The following KHDRBS2 variants were observed in gnomAD, a reference collection of about 807,000 sequenced individuals.
The protein encoded by KHDRBS2 is KH domain-containing, RNA-binding, signal transduction-associated protein 2.
KHDRBS2 carries 26 observed loss-of-function variants against 44.3 expected under a neutral mutation model. That is an observed-to-expected ratio of 0.59 (90% CI 0.43 to 0.81). The LOEUF (loss-of-function observed/expected upper bound fraction) is 0.81, where lower values mean the gene tolerates loss of function less well. KHDRBS2 is among the 40% of genes least tolerant of loss of function. KHDRBS2 has a pLI of 0.00. For synonymous variants in KHDRBS2, 194 were observed against 151.1 expected (o/e 1.28, Z -2.08); for missense variants, 476 against 433.1 (o/e 1.10, Z -0.88).
chr6:61,608,214 C>G, the KHDRBS2 span, among the ~76,000 whole-genome samples: 1 of 151,826 alleles, frequency 6.6e-6, no homozygotes, highest in Non-Finnish European at 1.5e-5. Flanking sequence ...CTATATCAGT[C>G]TAACATTTCT....
At position 62,002,873 on chromosome 6, in the gene KHDRBS2, A is replaced by G. The variant is rs115884554; in HGVS notation, c.337-24661T>C. 8.9e-3 allele frequency among the ~76,000 whole-genome samples: 1,349 copies of G among 152,102 alleles called. 19 individuals are homozygous for G. The highest frequency in any genetic ancestry group is 0.03 in the African/African-American group (1,260 of 41,552). Reference sequence around the variant, plus strand: ...ATGTTAAGTTAAAATATGAGATTCTATAACAGAATTTTAAAATAATAACAT... The same window carrying G: ...ATGTTAAGTTAAAATATGAGATTCTGTAACAGAATTTTAAAATAATAACAT... On this transcript the variant is annotated intron_variant, in intron 3 of 8. Coordinates refer to ENST00000281156, the MANE Select transcript of KHDRBS2 (RefSeq NM_152688.4).
chr6:62,273,605 G>C (rs1356722036), intron 1 of KHDRBS2, among the ~76,000 whole-genome samples: 2 of 151,994 alleles, frequency 1.3e-5, no homozygotes, highest in African/African-American at 4.8e-5. Context: ...TTTATCCTAA[G>C]TGTCCTTTCT....
At chr6:61,659,713 T>C in the KHDRBS2 span, among the ~76,000 whole-genome samples, 1 of 151,738 alleles carries the variant, frequency 6.6e-6, no homozygotes. Context: ...TGAGAAGTAT[T>C]GATAATCTTT....
At chr6:61,889,854 T>A (rs1478789602) in intron 6 of KHDRBS2, among the ~76,000 whole-genome samples, 6 of 152,176 alleles carry the variant, frequency 3.9e-5, no homozygotes, top group Admixed American at 3.3e-4. Context: ...GATCCCCAAA[T>A]ATTTCAAACA....
chr6:61,954,569 C>T (rs535275791), intron 4 of KHDRBS2, among the ~76,000 whole-genome samples: 16 of 143,932 alleles, frequency 1.1e-4, no homozygotes, highest in Non-Finnish European at 1.8e-4. Flanking sequence ...CACATACATA[C>T]GTATGTAGAC....
intron 1 of KHDRBS2, among the ~76,000 whole-genome samples, chr6:62,282,134 A>T (rs1841892697): frequency 6.6e-6 from 1 of 152,216 alleles, no homozygotes; most frequent in Non-Finnish European, 1.5e-5. Flanking sequence ...TATGAAAAAT[A>T]TTTAAGAAAC....
chr6:62,196,963 T>C (rs1349507466), intron 1 of KHDRBS2, among the ~76,000 whole-genome samples: 1 of 152,136 alleles, frequency 6.6e-6, no homozygotes, highest in African/African-American at 2.4e-5. Flanking sequence ...TCCAGTACTA[T>C]GTCGTTCATT....
the KHDRBS2 span, among the ~76,000 whole-genome samples, chr6:61,639,928 C>T: frequency 2.0e-5 from 3 of 151,948 alleles, no homozygotes; most frequent in Non-Finnish European, 4.4e-5. Flanking sequence ...ACCAAATAAT[C>T]AAACCATAAT....
chr6:62,007,663 C>G (rs538751539), intron 3 of KHDRBS2, among the ~76,000 whole-genome samples: 1 of 148,820 alleles, frequency 6.7e-6, no homozygotes, highest in African/African-American at 2.5e-5. Flanking sequence ...ATATACCACA[C>G]ATATGCCTCT....
chr6:61,640,339 G>A, the KHDRBS2 span, among the ~76,000 whole-genome samples: 8 of 151,980 alleles, frequency 5.3e-5, no homozygotes, highest in East Asian at 1.9e-4. Flanking sequence ...GTAAAATGCC[G>A]TAGAATAATC....
chr6:61,832,704 A>G (rs911941631), intron 6 of KHDRBS2, among the ~76,000 whole-genome samples: 5 of 152,146 alleles, frequency 3.3e-5, no homozygotes, highest in African/African-American at 1.2e-4. Flanking sequence ...CTCCTTAAGA[A>G]CAGTCCAAAT....
intron 6 of KHDRBS2, among the ~76,000 whole-genome samples, chr6:61,776,587 G>C (rs1160847514): frequency 2.6e-5 from 4 of 152,160 alleles, no homozygotes; most frequent in Non-Finnish European, 4.4e-5. Flanking sequence ...ACCATAATGA[G>C]ATACCTTCTC....
intron 1 of KHDRBS2, among the ~76,000 whole-genome samples, chr6:62,285,383 C>G (rs1842345198): frequency 6.6e-6 from 1 of 152,142 alleles, no homozygotes; most frequent in African/African-American, 2.4e-5. Context: ...TAGGTTAATT[C>G]TAACACTTTC....
chr6:61,876,663 T>C (rs1412251200), intron 6 of KHDRBS2, among the ~76,000 whole-genome samples: 1 of 152,042 alleles, frequency 6.6e-6, no homozygotes, highest in Non-Finnish European at 1.5e-5. Context: ...ATGTGCTGCA[T>C]CACTTATGTA....
chr6:61,595,299 C>T, the KHDRBS2 span, among the ~76,000 whole-genome samples: 1 of 151,996 alleles, frequency 6.6e-6, no homozygotes, highest in East Asian at 1.9e-4. Flanking sequence ...CTCACAACAA[C>T]CAAGATTTAG....
At chr6:61,954,237 G>T (rs187134255) in intron 4 of KHDRBS2, among the ~76,000 whole-genome samples, 56 of 152,052 alleles carry the variant, frequency 3.7e-4, no homozygotes, top group African/African-American at 1.2e-3. Context: ...AGGGATGTGT[G>T]TGAATGTGTG....
At chr6:62,241,526 A>T (rs748957406) in intron 1 of KHDRBS2, among the ~76,000 whole-genome samples, 51 of 150,340 alleles carry the variant, frequency 3.4e-4, no homozygotes, top group Non-Finnish European at 7.1e-4. Flanking sequence ...GTTTTATGTG[A>T]TTTTTTTTTT....
intron 2 of KHDRBS2, among the ~76,000 whole-genome samples, chr6:62,113,916 C>T (rs551279420): frequency 3.4e-4 from 52 of 152,186 alleles, no homozygotes; most frequent in African/African-American, 1.2e-3. Flanking sequence ...TAATTTATAA[C>T]AGAAGGAGTT....
intron 6 of KHDRBS2, among the ~76,000 whole-genome samples, chr6:61,797,087 T>C (rs1420193964): frequency 1.3e-5 from 2 of 152,150 alleles, no homozygotes. Context: ...TTTTCAGATG[T>C]ATTCTTAAGA....
Sources: gnomAD v4.1 joint callset for allele counts (sites outside exome capture counted in the v4.1 genomes callset) on GRCh38, gnomAD v4.1.1 for gene constraint, MANE v1.5 for transcripts, NCBI Gene and HGNC (gene_info 2026-07-23, HGNC 2026-07-21) for gene names.